ADAMTSL3: variants seen among roughly 807,000 people sequenced by gnomAD.
ADAMTSL3 encodes the protein ADAMTS like 3, also known as ADAMTS-like protein 3.
In ADAMTSL3, 128 loss-of-function variants were observed where a neutral mutation model predicts 201.7. The ratio of observed to expected loss-of-function variants is 0.63; its 90% CI spans 0.55 to 0.73. The LOEUF (loss-of-function observed/expected upper bound fraction) is 0.73, where lower values mean the gene tolerates loss of function less well. Among genes scored for constraint, ADAMTSL3 ranks in the 30% least tolerant of loss-of-function variants. ADAMTSL3 has a pLI of 0.00. For missense variants in ADAMTSL3, 1,990 were observed against 2,119.6 expected (o/e 0.94, Z 1.20); for synonymous variants, 738 against 748.4 (o/e 0.99, Z 0.23).
intron 2 of ADAMTSL3, among the ~76,000 whole-genome samples, chr15:83,702,227 G>A (rs1268840930): frequency 6.6e-6 from 1 of 152,120 alleles, no homozygotes. Context: ...GAGATGACTT[G>A]GATACTGTTA....
intron 2 of ADAMTSL3, among the ~76,000 whole-genome samples, chr15:83,659,993 C>G (rs2061140356): frequency 6.6e-6 from 1 of 152,118 alleles, no homozygotes; most frequent in Admixed American, 6.5e-5. Flanking sequence ...AAAGAATAAA[C>G]TTATGTTGTT....
At chr15:83,870,645 A>C (rs961062280) in intron 8 of ADAMTSL3, among the ~76,000 whole-genome samples, 157 bp from the exon 9 acceptor site, 1 of 152,202 alleles carries the variant, frequency 6.6e-6, no homozygotes, top group African/African-American at 2.4e-5. Context: ...AAAATCTGAT[A>C]TATCTATTCC....
At chr15:83,783,389 G>T (rs1414421997) in intron 4 of ADAMTSL3, among the ~76,000 whole-genome samples, 2 of 152,014 alleles carry the variant, frequency 1.3e-5, no homozygotes, top group Non-Finnish European at 2.9e-5. Flanking sequence ...TAAAACAGTA[G>T]ATTTGAACCC....
chr15:83,733,402 C>G (rs145734255), intron 3 of ADAMTSL3, among the ~76,000 whole-genome samples: 1 of 152,234 alleles, frequency 6.6e-6, no homozygotes, highest in East Asian at 1.9e-4. Context: ...TCATGGGTGT[C>G]TACAAATTAG....
intron 19 of ADAMTSL3, among the ~76,000 whole-genome samples, chr15:83,965,349 CAAAAAAAAAAA>C (rs143907808): frequency 2.0e-5 from 2 of 98,434 alleles, no homozygotes; most frequent in Non-Finnish European, 4.0e-5. Context: ...AAATGGAAAG[CAAAAAAAAAAA>C]AAAAAAAAGC....
At chr15:83,777,321 T>C (rs1419792063) in intron 4 of ADAMTSL3, among the ~76,000 whole-genome samples, 1 of 152,198 alleles carries the variant, frequency 6.6e-6, no homozygotes, top group Non-Finnish European at 1.5e-5. Context: ...TGGATCCCAC[T>C]GTCATCAAGC....
intron 10 of ADAMTSL3, 79 bp from the exon 11 acceptor site, chr15:83,890,030 A>AT: frequency 6.8e-7 from 1 of 1,474,064 alleles, no homozygotes; most frequent in Admixed American, 2.1e-5. Flanking sequence ...GAAAAAAAAA[A>AT]GTGTGTGGCA....
chr15:84,012,201 C>T (rs1427491591), intron 23 of ADAMTSL3, among the ~76,000 whole-genome samples: 6 of 152,120 alleles, frequency 3.9e-5, no homozygotes, highest in Admixed American at 3.3e-4. Flanking sequence ...TATTATGTCA[C>T]CTATGTTGCA....
rs930098443 is a variant in ADAMTSL3 at position 83,654,259 on chromosome 15, A to T, written c.-51A>T. 1 of 152,170 alleles carries T rather than the reference A, an allele frequency of 6.6e-6. No homozygotes were observed. Among genetic ancestry groups the T allele is most frequent in the African/African-American group, 2.4e-5 (1 of 41,406 alleles). 9.4% of individuals were successfully genotyped at this position (152,170 alleles called of 1,614,324 possible). ...GCGGCCCCGGGGCTGCACGTCCCAGATACTTCTGCGGCGCAAGGTGGGTGC... is the reference window on the plus strand; with the variant it reads ...GCGGCCCCGGGGCTGCACGTCCCAGTTACTTCTGCGGCGCAAGGTGGGTGC... On this transcript the variant is annotated 5_prime_UTR_variant, in exon 1 of 30. Transcript: ENST00000286744. This position sits in a 1 kb window ranked among gnomAD's most constrained non-coding sequence, Gnocchi z 5.3.
intron 27 of ADAMTSL3, among the ~76,000 whole-genome samples, chr15:84,026,278 G>A (rs2068305278): frequency 6.6e-6 from 1 of 152,062 alleles, no homozygotes; most frequent in East Asian, 1.9e-4. Flanking sequence ...TTTAAAAATA[G>A]AAGATATAAA....
At chr15:84,018,556 G>A (rs2068131325) in intron 25 of ADAMTSL3, among the ~76,000 whole-genome samples, 1 of 152,192 alleles carries the variant, frequency 6.6e-6, no homozygotes, top group Admixed American at 6.5e-5. Context: ...TTTGAGCCCA[G>A]ACCTAAAGGA....
At chr15:83,704,546 T>A (rs753291750) in intron 3 of ADAMTSL3, 38 bp downstream of exon 3, 4 of 1,585,882 alleles carry the variant, frequency 2.5e-6, no homozygotes, top group Admixed American at 3.6e-5. Context: ...TTGGCTTTGC[T>A]GTTTGCCAGT....
intron 2 of ADAMTSL3, among the ~76,000 whole-genome samples, chr15:83,692,624 T>G (rs2061626980): frequency 6.9e-6 from 1 of 144,386 alleles, no homozygotes; most frequent in Non-Finnish European, 1.5e-5. Flanking sequence ...AGGCAGAGTT[T>G]GCAGTGAGCT....
chr15:83,763,727 A>C (rs539050250), intron 3 of ADAMTSL3, among the ~76,000 whole-genome samples: 123 of 152,078 alleles, frequency 8.1e-4, no homozygotes, highest in African/African-American at 2.9e-3. Context: ...GGATGATCTC[A>C]ATCTCCTGAC....
At chr15:83,892,932 T>C (rs753560063) in intron 13 of ADAMTSL3, 44 bp downstream of exon 13, 73 of 1,572,178 alleles carry the variant, frequency 4.6e-5, no homozygotes, top group Non-Finnish European at 5.6e-5. Context: ...TCTCATATTT[T>C]AAGGGATATT....
intron 8 of ADAMTSL3, among the ~76,000 whole-genome samples, chr15:83,864,920 A>G (rs2064942668): frequency 6.6e-6 from 1 of 152,238 alleles, no homozygotes; most frequent in African/African-American, 2.4e-5. Context: ...GCAAAGTCTC[A>G]GGATACAAAA....
Position 83,967,783 on chromosome 15 carries a change from TACTACAAG to T in ADAMTSL3, c.2491-2700_2491-2693del, listed in dbSNP as rs546526840. Among the ~76,000 whole-genome samples, 647 of 152,210 alleles carry T rather than the reference TACTACAAG, an allele frequency of 4.3e-3. 3 individuals are homozygous for T. The highest frequency in any genetic ancestry group is 3.9e-3 in the Non-Finnish European group (267 of 68,020). On this transcript the variant is annotated intron_variant, in intron 19 of 29. Coordinates refer to ENST00000286744, the MANE Select transcript of ADAMTSL3 (RefSeq NM_207517.3). Reference sequence around the variant, plus strand: ...CATCATGCTACCTGACTTCAAACTATACTACAAGGCTACAGAAACCAAAACAGTATGGT... The same window carrying T: ...CATCATGCTACCTGACTTCAAACTATGCTACAGAAACCAAAACAGTATGGT...
At chr15:83,958,372 A>G (rs1027175151) in intron 19 of ADAMTSL3, among the ~76,000 whole-genome samples, 3 of 152,214 alleles carry the variant, frequency 2.0e-5, no homozygotes, top group Admixed American at 1.3e-4. Flanking sequence ...ATCCAAGTGG[A>G]GAAGGAACAC....
intron 19 of ADAMTSL3, among the ~76,000 whole-genome samples, chr15:83,963,744 T>C (rs2067022444): frequency 6.6e-6 from 1 of 152,166 alleles, no homozygotes; most frequent in Non-Finnish European, 1.5e-5. Flanking sequence ...TGACAGACAC[T>C]TCATACAGGA....
Sources: allele counts gnomAD v4.1 joint callset (sites outside exome capture counted in the v4.1 genomes callset), GRCh38; gene constraint gnomAD v4.1.1; non-coding constraint Gnocchi (gnomAD v3.1); transcripts MANE v1.5; gene names NCBI Gene and HGNC (gene_info 2026-07-23, HGNC 2026-07-21).